Variants in MPP2 observed in about 807,000 individuals in gnomAD.
The protein encoded by MPP2 is MAGUK p55 scaffold protein 2, also known as MAGUK p55 subfamily member 2.
In MPP2, 42 loss-of-function variants were observed where a neutral mutation model predicts 58.5. That is an observed-to-expected ratio of 0.72 (90% CI 0.56 to 0.93). MPP2 has a LOEUF of 0.93. MPP2 is among the 40% of genes least tolerant of loss of function. MPP2 has a pLI of 0.00. For synonymous variants in MPP2, 300 were observed against 307.8 expected, an observed-to-expected ratio of 0.97 and a Z score of 0.26; for missense variants, 632 against 760.4, an observed-to-expected ratio of 0.83 and a Z score of 1.99.
At position 43,877,963 on chromosome 17, in the gene MPP2, T is replaced by G. The variant is rs200318278; in HGVS notation, c.1503A>C (p.Thr501=). The G allele has an allele frequency of 6.2e-7, 1 of 1,613,568 alleles. No homozygotes were observed. Among genetic ancestry groups the G allele is most frequent in the Non-Finnish European group, 8.5e-7 (1 of 1,179,766 alleles). ...KQLTEADLRR[T]VEESSRIQRG... is the part of the protein sequence containing the mutation. ...GCTGGATGCGGCTGCTCTCCTCCACTGTCCGTCTCAGGTCCGCCTCCTGCC... is the reference window on the plus strand; with the variant it reads ...GCTGGATGCGGCTGCTCTCCTCCACGGTCCGTCTCAGGTCCGCCTCCTGCC... The change falls in exon 13 of 13, where the codon ACA becomes ACC. Residue 501 remains threonine (T), a synonymous_variant. Transcript: ENST00000269095.
chr17:43,898,997 G>A (rs1039890818), intron 2 of MPP2, among the ~76,000 whole-genome samples: 8 of 151,532 alleles, frequency 5.3e-5, no homozygotes, highest in African/African-American at 7.3e-5. Context: ...TGTAATCCCA[G>A]CACTTTGGGA....
At chr17:43,900,523 G>A (rs1422334312) in intron 2 of MPP2, 1 of 1,546,870 alleles carries the variant, frequency 6.5e-7, no homozygotes, top group South Asian at 1.2e-5. Context: ...TACCCTCCAA[G>A]GAGACCCCGC....
In MPP2 at chr17:43,900,625, G is replaced by T. The variant is rs910394838; in HGVS notation, c.32-2245C>A. The T allele has an allele frequency of 2.1e-6, 3 of 1,462,176 alleles. No individual in the cohort carries two copies. In the African/African-American group the frequency reaches 4.3e-5, roughly 21 times the overall value. 90.6% of individuals were successfully genotyped at this position (1,462,176 alleles called of 1,614,324 possible). A position where few individuals can be genotyped will look rare whatever the true frequency, so the allele number is the denominator to read the frequency against. On this transcript the variant is annotated intron_variant, in intron 2 of 12. Coordinates refer to ENST00000269095, the MANE Select transcript of MPP2 (RefSeq NM_005374.5). ...TCTACCGCCTCCCCAGCCAAAGCCT[G>T]GCCGGGCTGGGGAAGGCGGGAGTCG...
chr17:43,879,797 C>T lies in MPP2; in HGVS notation c.1338G>A (p.Leu446=). Residue 446 remains leucine, a synonymous_variant, in exon 11 of 13, where the codon CTG becomes CTA. Transcript: ENST00000269095. This position sits in a 1 kb window ranked among gnomAD's most constrained non-coding sequence, Gnocchi z 4.1. The stretch of plus-strand genomic sequence containing the variant: ...GTGGCGGTACCTGGGGGTTGACATC[C>T]AGCACGCACACCTTCCCAGCAGCGA... ...GVVAAGKVCV[L]DVNPQAVKVL... 6.2e-7 allele frequency: 1 copy of T among 1,613,600 alleles called. No homozygotes were observed. The highest frequency in any genetic ancestry group is 2.2e-5 in the East Asian group (1 of 44,874).
rs1313381031 is a variant in MPP2 at position 43,907,519 on chromosome 17, G to A, written c.-79C>T. The A allele has an allele frequency of 1.0e-5, 10 of 985,416 alleles. No homozygotes were observed. The highest frequency in any genetic ancestry group is 1.2e-4 in the Admixed American group (2 of 16,278). The allele number at this position is 985,416 out of a possible 1,614,324, so 61.0% of individuals were successfully genotyped here. On this transcript the variant is annotated 5_prime_UTR_variant, in exon 1 of 13. Transcript: ENST00000269095. ...AGCTCCGGGCGGCTCCAGCGCAGCC[G>A]GGCGCTCAGCGTTTATTGCTTGTCA...
At position 43,898,266 on chromosome 17, in the gene MPP2, G is replaced by A. The variant is rs2047934191; in HGVS notation, c.146C>T (p.Ala49Val). ...IMESPIVRSLAKAHERLEETK... is the reference protein window; with the variant it reads ...IMESPIVRSLVKAHERLEETK... ...CACCTCCCTGGAGCACTGTACCTTGGCCAGGGATCTTACTATGGGACTTTC... is the reference window on the plus strand; with the variant it reads ...CACCTCCCTGGAGCACTGTACCTTGACCAGGGATCTTACTATGGGACTTTC... The change falls in exon 3 of 13, where the codon GCC becomes GTC. Residue 49 changes from alanine to valine, a missense_variant. Ala to Val is a moderately conservative substitution (Grantham distance 64, BLOSUM62 0). Transcript: ENST00000269095. 6.2e-7 allele frequency: 1 copy of A among 1,612,846 alleles called. No homozygotes were observed. The highest frequency in any genetic ancestry group is 8.5e-7 in the Non-Finnish European group (1 of 1,178,824).
chr17:43,882,210 T>A, intron 6 of MPP2, 74 bp downstream of exon 6: 1 of 1,384,572 alleles, frequency 7.2e-7, no homozygotes, highest in Non-Finnish European at 1.0e-6. Flanking sequence ...GAGGAGGGCC[T>A]CCGTGAGACC....
chr17:43,902,154 C>T (rs2048118264), intron 2 of MPP2, among the ~76,000 whole-genome samples: 1 of 152,176 alleles, frequency 6.6e-6, no homozygotes, highest in African/African-American at 2.4e-5. Context: ...ACACTTTGTA[C>T]TTCTTCCTTT....
intron 2 of MPP2, among the ~76,000 whole-genome samples, chr17:43,901,747 G>A (rs907049505): frequency 6.6e-6 from 1 of 152,168 alleles, no homozygotes; most frequent in African/African-American, 2.4e-5. Flanking sequence ...GGAGATGCCA[G>A]GTTCAGGATC....
At chr17:43,902,546 T>A (rs2048137302) in intron 2 of MPP2, among the ~76,000 whole-genome samples, 1 of 152,148 alleles carries the variant, frequency 6.6e-6, no homozygotes, top group East Asian at 1.9e-4. Flanking sequence ...AGCCCTCTGA[T>A]GCTGCAGAAG....
chr17:43,885,803 T>A (rs772808516), intron 3 of MPP2, among the ~76,000 whole-genome samples: 1 of 152,068 alleles, frequency 6.6e-6, no homozygotes, highest in Non-Finnish European at 1.5e-5. Flanking sequence ...GATGGGTGCA[T>A]CAAAATCTCA....
At chr17:43,906,698 C>A (rs1167619625) in intron 1 of MPP2, among the ~76,000 whole-genome samples, 1 of 152,128 alleles carries the variant, frequency 6.6e-6, no homozygotes, top group Non-Finnish European at 1.5e-5. Context: ...TCACCCCTGC[C>A]CCAACGGACC....
intron 3 of MPP2, among the ~76,000 whole-genome samples, chr17:43,887,542 A>T (rs975345387): frequency 6.6e-6 from 1 of 151,948 alleles, no homozygotes; most frequent in Non-Finnish European, 1.5e-5. Flanking sequence ...ATATTTTCAC[A>T]TAGAGATCTC....
At chr17:43,907,597 T>A (rs1479640467), upstream of MPP2, 1 of 984,744 alleles carries the variant, frequency 1.0e-6, no homozygotes, top group African/African-American at 1.8e-5. Context: ...GGGGCGGAGG[T>A]CCGGAGGAGA....
At chr17:43,883,430 C>T (rs1329617101) in intron 3 of MPP2, 75 bp from the exon 4 acceptor site, 1 of 1,510,968 alleles carries the variant, frequency 6.6e-7, no homozygotes, top group Non-Finnish European at 8.9e-7. Context: ...GGTCCTCCCT[C>T]AGCCCCCAGG....
At chr17:43,895,316 T>G (rs1212030620) in intron 3 of MPP2, among the ~76,000 whole-genome samples, 1 of 152,140 alleles carries the variant, frequency 6.6e-6, no homozygotes, top group East Asian at 1.9e-4. Context: ...TTCACCATGT[T>G]GATCAGGCTG....
rs2047174200 is a variant in MPP2 at position 43,882,421 on chromosome 17, C to T, written c.544G>A (p.Gly182Ser). 6.2e-7 allele frequency: 1 copy of T among 1,610,736 alleles called. No homozygotes were observed. Among genetic ancestry groups the T allele is most frequent in the Admixed American group, 1.7e-5 (1 of 60,004 alleles). The stretch of plus-strand genomic sequence containing the variant: ...CCGTTCACCTCCTTGATGATGTCAC[C>T]CACATGCAGCAGGCCTTGTTGAGCC... The part of the protein sequence containing the change: ...MVAQQGLLHV[G>S]DIIKEVNGQP... Residue 182 changes from glycine (G) to serine (S), a missense_variant, in exon 6 of 13, where the codon GGT (glycine) becomes AGT (serine). Coordinates refer to ENST00000269095, the MANE Select transcript of MPP2 (RefSeq NM_005374.5).
At chr17:43,882,642 C>A in intron 5 of MPP2, 131 bp from the exon 6 acceptor site, 4 of 898,698 alleles carry the variant, frequency 4.5e-6, no homozygotes, top group Non-Finnish European at 6.7e-6. Context: ...CTCCTCCATC[C>A]TTCTGCCTAA....
intron 1 of MPP2, chr17:43,905,947 C>T (rs780373244): frequency 1.0e-4 from 26 of 253,780 alleles, no homozygotes; most frequent in Non-Finnish European, 1.6e-4. Flanking sequence ...AAGGGCACCC[C>T]TATTCAGGCT....
Sources: allele counts gnomAD v4.1 joint callset (sites outside exome capture counted in the v4.1 genomes callset), GRCh38; gene constraint gnomAD v4.1.1; non-coding constraint Gnocchi (gnomAD v3.1); transcripts MANE v1.5; gene names NCBI Gene and HGNC (gene_info 2026-07-23, HGNC 2026-07-21).